SAP130: variants seen among roughly 807,000 people sequenced by gnomAD.
SAP130 encodes histone deacetylase complex subunit SAP130.
Under a neutral mutation model 103.2 loss-of-function variants are expected in SAP130, and 16 were observed. The ratio of observed to expected loss-of-function variants is 0.16; its 90% CI spans 0.10 to 0.24. The LOEUF is 0.24. SAP130 is among the 10% of genes least tolerant of loss of function. SAP130 has a pLI of 1.00. For missense variants in SAP130, 990 were observed against 1,359.7 expected (o/e 0.73, Z 4.28); for synonymous variants, 477 against 497.0 (o/e 0.96, Z 0.53).
rs140626518 is a variant in SAP130 at position 127,996,537 on chromosome 2, T to G, written c.1214-46A>C. On this transcript the variant is annotated intron_variant, in intron 10 of 20. Transcript: ENST00000643581. The surrounding 1 kb of genome is among the most constrained non-coding windows in gnomAD (Gnocchi z 4.3). ...TTCCATGACCATTCTACACTTTTTT[T>G]TGGCATGCCAAAACATTCTTGGCTA... 1 of 1,407,206 alleles carries G rather than the reference T, an allele frequency of 7.1e-7. No individual in the cohort carries two copies. The highest frequency in any genetic ancestry group is 2.6e-5 in the Admixed American group (1 of 38,202). 87.2% of individuals were successfully genotyped at this position (1,407,206 alleles called of 1,614,324 possible).
intron 18 of SAP130, among the ~76,000 whole-genome samples, chr2:127,947,559 T>C (rs764270190): frequency 6.6e-6 from 1 of 152,238 alleles, no homozygotes; most frequent in Non-Finnish European, 1.5e-5. Context: ...AAATTTGGAA[T>C]GTCCTTGCCT....
At chr2:128,007,916 T>C (rs1055558459) in intron 7 of SAP130, among the ~76,000 whole-genome samples, 2 of 152,180 alleles carry the variant, frequency 1.3e-5, no homozygotes, top group African/African-American at 4.8e-5. Context: ...AGCCACTTGG[T>C]TGTTACACAG....
intron 14 of SAP130, among the ~76,000 whole-genome samples, chr2:127,983,201 C>G (rs1682083120): frequency 6.6e-6 from 1 of 152,114 alleles, no homozygotes; most frequent in Non-Finnish European, 1.5e-5. Context: ...CCCTGCCCAA[C>G]AAGAAGGCCA....
rs182212459 is a variant in SAP130, at chr2:127,950,436, C to A, written c.2423-28G>T. 7.4e-6 allele frequency: 12 copies of A among 1,610,790 alleles called. No homozygotes were observed. In the Admixed American group the frequency reaches 1.3e-4, roughly 18 times the overall value. Reference sequence around the variant, plus strand: ...GTCATAGGAAAAGGAGCACACATATCTGTAAGAACTCAAAGATAACAGAAA... The same window carrying A: ...GTCATAGGAAAAGGAGCACACATATATGTAAGAACTCAAAGATAACAGAAA... On this transcript the variant is annotated intron_variant, in intron 16 of 20. Coordinates refer to ENST00000643581, the MANE Select transcript of SAP130 (RefSeq NM_001330301.2).
At chr2:127,975,309 G>C (rs988311774) in intron 15 of SAP130, among the ~76,000 whole-genome samples, 12 of 152,186 alleles carry the variant, frequency 7.9e-5, no homozygotes, top group African/African-American at 2.9e-4. Context: ...AGATGAAAAT[G>C]CAACAAAAGA....
intron 2 of SAP130, among the ~76,000 whole-genome samples, chr2:128,021,348 G>A (rs909208411): frequency 1.3e-5 from 2 of 151,624 alleles, no homozygotes; most frequent in Middle Eastern, 3.4e-3. Flanking sequence ...TTGGGAGGCC[G>A]AGGCAGCAGA....
At chr2:127,962,813 G>A (rs1680351838) in intron 15 of SAP130, among the ~76,000 whole-genome samples, 1 of 151,490 alleles carries the variant, frequency 6.6e-6, no homozygotes, top group South Asian at 2.1e-4. Context: ...TACCAACACG[G>A]CACATGTATA....
intron 18 of SAP130, among the ~76,000 whole-genome samples, chr2:127,948,641 C>T (rs944873190): frequency 2.6e-5 from 4 of 151,856 alleles, no homozygotes; most frequent in African/African-American, 9.7e-5. Context: ...CGCGCCTGGC[C>T]TCCTGTGAGT....
intron 14 of SAP130, among the ~76,000 whole-genome samples, chr2:127,978,655 G>GT: frequency 6.6e-6 from 1 of 152,262 alleles, no homozygotes; most frequent in African/African-American, 2.4e-5. Flanking sequence ...TACCAGTTGA[G>GT]AGTGGATCTG....
intron 11 of SAP130, among the ~76,000 whole-genome samples, chr2:127,995,039 T>G (rs1683075471): frequency 1.5e-5 from 1 of 66,266 alleles, no homozygotes; most frequent in African/African-American, 4.3e-5. Context: ...TTGAAACTAC[T>G]TTGTGTATAC....
chr2:127,970,306 G>A (rs1253165612), intron 15 of SAP130, among the ~76,000 whole-genome samples: 11 of 150,908 alleles, frequency 7.3e-5, no homozygotes, highest in African/African-American at 2.7e-4. Context: ...ACTTTGGGAG[G>A]CCGAGGCGGA....
At position 127,996,263 on chromosome 2, in the gene SAP130, A is replaced by C; in HGVS notation, c.1355+87T>G. The C allele has an allele frequency of 8.1e-7, 1 of 1,237,746 alleles. No homozygotes were observed. Among genetic ancestry groups the C allele is most frequent in the Non-Finnish European group, 1.1e-6 (1 of 936,108 alleles). The allele number at this position is 1,237,746 out of a possible 1,614,324, so 76.7% of individuals were successfully genotyped here. On this transcript the variant is annotated intron_variant, in intron 11 of 20. Coordinates refer to ENST00000643581, the MANE Select transcript of SAP130 (RefSeq NM_001330301.2). This position sits in a 1 kb window ranked among gnomAD's most constrained non-coding sequence, Gnocchi z 4.3. ...AAAACATGAGTAATAAATATAGGCC[A>C]TATTTGTGGGACACTTTGTTTTATG...
chr2:128,010,586 C>T (rs374879718), intron 6 of SAP130, among the ~76,000 whole-genome samples, 193 bp from the exon 7 acceptor site: 15 of 152,054 alleles, frequency 9.9e-5, no homozygotes, highest in South Asian at 4.1e-4. Context: ...AGGCCGGGCA[C>T]GGTGGCTCAC....
At chr2:128,027,298 C>T (rs1415285512) in intron 1 of SAP130, 1 of 1,160,290 alleles carries the variant, frequency 8.6e-7, no homozygotes, top group Non-Finnish European at 1.1e-6. Context: ...GTCCTCTTCC[C>T]CCGAACCTGC....
intron 6 of SAP130, among the ~76,000 whole-genome samples, chr2:128,010,720 C>T (rs927991363): frequency 1.3e-5 from 2 of 151,796 alleles, no homozygotes; most frequent in Admixed American, 6.6e-5. Context: ...AAAAATTAGC[C>T]GGGTGTGGTG....
intron 10 of SAP130, among the ~76,000 whole-genome samples, chr2:127,998,585 T>G (rs945499581): frequency 5.9e-5 from 9 of 152,192 alleles, no homozygotes; most frequent in Admixed American, 5.2e-4. Flanking sequence ...ATATTGGGGT[T>G]AGCATAAAAG....
At chr2:127,988,521 T>C (rs1267581544) in intron 13 of SAP130, among the ~76,000 whole-genome samples, 3 of 150,036 alleles carry the variant, frequency 2.0e-5, no homozygotes, top group Non-Finnish European at 4.4e-5. Flanking sequence ...TAATCAATAA[T>C]AATCCAAGTA....
rs1682661863 is a variant in SAP130 at position 127,989,813 on chromosome 2, C to T, written c.1531G>A (p.Ala511Thr). ...AITAQTGVGV[A>T]STVHLNPMQL... ...ATGGGGTTTAGGTGGACGGTAGACG[C>T]TACCCCAACACCAGTCTGAGCTGTG... Residue 511 changes from alanine (A) to threonine (T), a missense_variant, in exon 13 of 21, where the codon GCG becomes ACG. Around this residue, in one of 6 missense-constraint regions of SAP130, gnomAD observed 336 missense variants for 520.1 expected, o/e 0.65. Coordinates refer to ENST00000643581, the MANE Select transcript of SAP130 (RefSeq NM_001330301.2). This position sits in a 1 kb window ranked among gnomAD's most constrained non-coding sequence, Gnocchi z 4.6. 7 of 1,614,218 alleles carry T rather than the reference C, an allele frequency of 4.3e-6. No individual in the cohort carries two copies. The highest frequency in any genetic ancestry group is 5.9e-6 in the Non-Finnish European group (7 of 1,180,038).
At chr2:127,960,449 G>C (rs1159578398) in intron 15 of SAP130, among the ~76,000 whole-genome samples, 3 of 152,202 alleles carry the variant, frequency 2.0e-5, no homozygotes, top group Admixed American at 6.5e-5. Flanking sequence ...AACTCATTGA[G>C]AGCAGTTCTG....
Sources: allele counts gnomAD v4.1 joint callset (sites outside exome capture counted in the v4.1 genomes callset), GRCh38; gene constraint gnomAD v4.1.1; regional missense constraint gnomAD v4.1.1; non-coding constraint Gnocchi (gnomAD v3.1); transcripts MANE v1.5; gene names NCBI Gene and HGNC (gene_info 2026-07-23, HGNC 2026-07-21).